RMDN2: variants seen among roughly 807,000 people sequenced by gnomAD.
RMDN2 encodes the protein regulator of microtubule dynamics protein 2.
Under a neutral mutation model 52.8 loss-of-function variants are expected in RMDN2, and 61 were observed. The ratio of observed to expected loss-of-function variants is 1.16; its 90% confidence interval spans 0.94 to 1.43. The LOEUF (loss-of-function observed/expected upper bound fraction) is 1.43. RMDN2 is among the 40% of genes most tolerant of loss of function. The pLI is 0.00. For synonymous variants in RMDN2, 180 were observed against 153.1 expected (o/e 1.18, Z -1.30); for missense variants, 592 against 475.3 (o/e 1.25, Z -2.28).
At chr2:37,999,547 T>C (rs1676033145) in intron 8 of RMDN2, among the ~76,000 whole-genome samples, 1 of 152,210 alleles carries the variant, frequency 6.6e-6, no homozygotes, top group Non-Finnish European at 1.5e-5. Flanking sequence ...GCATCAGGAA[T>C]GCTTCTTGCC....
chr2:37,991,665 C>CCA (rs1390710442), intron 7 of RMDN2, among the ~76,000 whole-genome samples: 1 of 152,098 alleles, frequency 6.6e-6, no homozygotes, highest in South Asian at 2.1e-4. Flanking sequence ...GATCAACAAT[C>CCA]CACACACACA....
intron 2 of RMDN2, among the ~76,000 whole-genome samples, chr2:37,960,597 T>C (rs757385983): frequency 6.6e-6 from 1 of 152,196 alleles, no homozygotes; most frequent in Non-Finnish European, 1.5e-5. Flanking sequence ...CTTTATCCAA[T>C]TTGCCAGTCT....
At chr2:37,948,010 G>A (rs560635208) in intron 2 of RMDN2, among the ~76,000 whole-genome samples, 2 of 152,290 alleles carry the variant, frequency 1.3e-5, no homozygotes, top group African/African-American at 2.4e-5. Context: ...TAGATAGGCA[G>A]CTGCTGTGAG....
intron 10 of RMDN2, among the ~76,000 whole-genome samples, chr2:38,064,216 G>C (rs568136701): frequency 6.6e-6 from 1 of 152,294 alleles, no homozygotes; most frequent in East Asian, 1.9e-4. Context: ...ACTGAGATTA[G>C]GGGCCGGGTG....
chr2:37,929,499 G>C lies in RMDN2; in HGVS notation c.222G>C (p.Gln74His). 2 of 1,551,224 alleles carry C rather than the reference G, an allele frequency of 1.3e-6. No individual in the cohort carries two copies. The highest frequency in any genetic ancestry group is 1.4e-5 in the African/African-American group (1 of 73,162). ...TTVIFQERQL[Q>H]ILEKLNELLT... ...TAATCTTTCAAGAAAGGCAACTTCA[G>C]ATACTGGAGAAGTTAAACGAATTAC... The change falls in exon 2 of 11, where the codon CAG becomes CAC. Residue 74 changes from glutamine (Q) to histidine (H), a missense_variant. By Grantham distance (24) the Gln-to-His change is conservative. Transcript: ENST00000354545.
rs1467061745 is a variant in RMDN2, at chr2:37,995,350, A to ACTACTACTACTT, written c.946-2055_946-2054insTCTACTACTACT. Among the ~76,000 whole-genome samples the ACTACTACTACTT allele has an allele frequency of 1.3e-4, 20 of 151,338 alleles. 1 individual carries two copies. The South Asian group carries it at 1.7e-3, about 13-fold the overall frequency. On this transcript the variant is annotated intron_variant, in intron 7 of 10. Transcript: ENST00000354545. ...TACTACTACTACTACTACTACTACTACTACTACTACTACTACACACACACA... is the reference window on the plus strand; with the variant it reads ...TACTACTACTACTACTACTACTACTACTACTACTACTTCTACTACTACTACTACACACACACA...
intron 10 of RMDN2, among the ~76,000 whole-genome samples, chr2:38,031,800 C>A (rs1031721388): frequency 6.6e-6 from 1 of 152,182 alleles, no homozygotes; most frequent in Admixed American, 6.5e-5. Flanking sequence ...CCTGAGCAGA[C>A]GCCTTCCTCG....
chr2:37,952,730 A>T (rs1668995749), intron 2 of RMDN2: 1 of 154,038 alleles, frequency 6.5e-6, no homozygotes, highest in South Asian at 2.1e-4. Flanking sequence ...TAACACAAGA[A>T]TCAAATTAGA....
At chr2:37,947,353 C>A (rs1196522145) in intron 2 of RMDN2, among the ~76,000 whole-genome samples, 1 of 151,858 alleles carries the variant, frequency 6.6e-6, no homozygotes, top group Non-Finnish European at 1.5e-5. Flanking sequence ...TTCTTTCTCT[C>A]AAAATAATAT....
intron 2 of RMDN2, among the ~76,000 whole-genome samples, chr2:37,970,441 T>C: frequency 6.6e-6 from 1 of 152,196 alleles, no homozygotes; most frequent in Non-Finnish European, 1.5e-5. Context: ...TTGATTGATA[T>C]TTTATTGAGG....
chr2:37,936,094 C>G (rs1452789871), intron 2 of RMDN2, among the ~76,000 whole-genome samples: 2 of 152,164 alleles, frequency 1.3e-5, no homozygotes, highest in Admixed American at 6.5e-5. Flanking sequence ...GTTCCCCTCC[C>G]TGTGTCCATG....
chr2:37,973,995 A>T, intron 2 of RMDN2, 45 bp from the exon 3 acceptor site: 1 of 1,454,622 alleles, frequency 6.9e-7, no homozygotes, highest in African/African-American at 1.4e-5. Flanking sequence ...TCTGGCTATT[A>T]TACTTAACTT....
chr2:38,028,191 G>A (rs1679922627), intron 10 of RMDN2: 1 of 152,090 alleles, frequency 6.6e-6, no homozygotes, highest in South Asian at 2.1e-4. Flanking sequence ...GAATCTTTAA[G>A]AAAAAGAATA....
chr2:37,971,484 T>C (rs571806875), intron 2 of RMDN2, among the ~76,000 whole-genome samples: 3 of 152,318 alleles, frequency 2.0e-5, no homozygotes, highest in African/African-American at 7.2e-5. Flanking sequence ...TATTCGTCTG[T>C]ATTTTGTACT....
upstream of RMDN2, among the ~76,000 whole-genome samples, chr2:37,923,564 G>C (rs917985040): frequency 6.6e-6 from 1 of 152,154 alleles, no homozygotes; most frequent in Non-Finnish European, 1.5e-5. Context: ...TGTTAAAAGA[G>C]AAAATTGTTT....
intron 10 of RMDN2, among the ~76,000 whole-genome samples, chr2:38,048,150 A>C (rs986054906): frequency 1.3e-5 from 2 of 152,214 alleles, no homozygotes; most frequent in Non-Finnish European, 2.9e-5. Context: ...GCTGAGATAT[A>C]TAGGAGGCAG....
intron 10 of RMDN2, among the ~76,000 whole-genome samples, chr2:38,031,661 A>C (rs931548374): frequency 2.0e-5 from 3 of 152,180 alleles, no homozygotes; most frequent in Non-Finnish European, 4.4e-5. Flanking sequence ...ACATTCACTC[A>C]ACTAAGTATT....
chr2:37,992,046 T>C (rs1674872939), intron 7 of RMDN2, among the ~76,000 whole-genome samples: 1 of 152,242 alleles, frequency 6.6e-6, no homozygotes, highest in Non-Finnish European at 1.5e-5. Context: ...AGTTTGCTTT[T>C]ATTGAACACC....
intron 10 of RMDN2, among the ~76,000 whole-genome samples, chr2:38,031,107 G>T (rs772123243): frequency 6.6e-6 from 1 of 152,122 alleles, no homozygotes; most frequent in Non-Finnish European, 1.5e-5. Context: ...AATTTAAGAT[G>T]GGCCTTGGAT....
Sources: gnomAD v4.1 joint callset for allele counts (sites outside exome capture counted in the v4.1 genomes callset) on GRCh38, gnomAD v4.1.1 for gene constraint, MANE v1.5 for transcripts, NCBI Gene and HGNC (gene_info 2026-07-23, HGNC 2026-07-21) for gene names.